Variants in KCNK13 observed in about 807,000 individuals in gnomAD.
KCNK13 encodes the protein potassium channel subfamily K member 13.
In KCNK13, 12 loss-of-function variants were observed where a neutral mutation model predicts 23.4. That is an observed-to-expected ratio of 0.51 (90% confidence interval 0.33 to 0.83). The LOEUF is 0.83. Among genes scored for constraint, KCNK13 ranks in the 40% least tolerant of loss-of-function variants. The probability of loss-of-function intolerance (pLI) is 0.02; values close to 1 mark genes in which losing one functional copy is unlikely to be tolerated. For synonymous variants in KCNK13, 231 were observed against 229.5 expected (o/e 1.01, Z -0.06); for missense variants, 463 against 556.3 (o/e 0.83, Z 1.69).
rs141322706 is a variant in KCNK13, at chr14:90,093,973, G to A, written c.334+31434G>A. On this transcript the variant is annotated intron_variant, in intron 1 of 1. Coordinates refer to ENST00000282146, the MANE Select transcript of KCNK13 (RefSeq NM_022054.4). ...TGTTTTAATGGGATTTGCAGGGGGTGCCATTTTCCACCTCTGGCCTCTTTC... is the reference window on the plus strand; with the variant it reads ...TGTTTTAATGGGATTTGCAGGGGGTACCATTTTCCACCTCTGGCCTCTTTC... Among the ~76,000 whole-genome samples the A allele has an allele frequency of 2.4e-4, 36 of 152,254 alleles. No individual in the cohort carries two copies. In the East Asian group the frequency reaches 6.8e-3, roughly 29 times the overall value.
At chr14:90,111,382 CACAT>C (rs1889613621) in intron 1 of KCNK13, among the ~76,000 whole-genome samples, 1 of 152,136 alleles carries the variant, frequency 6.6e-6, no homozygotes, top group African/African-American at 2.4e-5. Context: ...TTACATTTCA[CACAT>C]ACACAGAGAA....
intron 1 of KCNK13, among the ~76,000 whole-genome samples, chr14:90,179,875 T>G (rs1890466116): frequency 1.3e-5 from 2 of 152,212 alleles, no homozygotes; most frequent in Non-Finnish European, 2.9e-5. Context: ...TTATATGTTT[T>G]GGTACATGAA....
intron 1 of KCNK13, among the ~76,000 whole-genome samples, chr14:90,085,516 G>A (rs564411687): frequency 2.7e-5 from 4 of 150,654 alleles, no homozygotes; most frequent in South Asian, 2.1e-4. Context: ...AAAATTAGCC[G>A]GGCATGGTGG....
chr14:90,092,732 A>T (rs867832391), intron 1 of KCNK13, among the ~76,000 whole-genome samples: 3 of 151,946 alleles, frequency 2.0e-5, no homozygotes, highest in South Asian at 2.1e-4. Flanking sequence ...TGGGCAACAT[A>T]GCAAGATCCC....
rs1048997980 is a variant in KCNK13, at chr14:90,085,554, G to T, written c.334+23015G>T. 2.0e-5 allele frequency among the ~76,000 whole-genome samples: 3 copies of T among 150,878 alleles called. No homozygotes were observed. The East Asian group carries it at 5.9e-4, about 30-fold the overall frequency. The stretch of plus-strand genomic sequence containing the variant: ...CATGCCTATACTCCCAGCTACTCAG[G>T]AGTCTGAAGCAGGAGAATCATTTGA... On this transcript the variant is annotated intron_variant, in intron 1 of 1. Coordinates refer to ENST00000282146, the MANE Select transcript of KCNK13 (RefSeq NM_022054.4).
intron 1 of KCNK13, among the ~76,000 whole-genome samples, chr14:90,178,256 A>AG (rs397935735): frequency 2.7e-5 from 4 of 145,814 alleles, no homozygotes; most frequent in South Asian, 2.2e-4. Flanking sequence ...AAAAAAAAAA[A>AG]GGATACCCTG....
At chr14:90,081,732 CT>C (rs1843983898) in intron 1 of KCNK13, among the ~76,000 whole-genome samples, 1 of 152,198 alleles carries the variant, frequency 6.6e-6, no homozygotes, top group Non-Finnish European at 1.5e-5. Context: ...CGTTTGCCCC[CT>C]GTTATGGTTT....
At chr14:90,109,566 G>A (rs1398964500) in intron 1 of KCNK13, among the ~76,000 whole-genome samples, 3 of 151,564 alleles carry the variant, frequency 2.0e-5, no homozygotes, top group South Asian at 4.2e-4. Flanking sequence ...CCACCACCAC[G>A]CCTGGCTAAT....
At chr14:90,134,320 G>A (rs1889909718) in intron 1 of KCNK13, among the ~76,000 whole-genome samples, 1 of 152,186 alleles carries the variant, frequency 6.6e-6, no homozygotes. Context: ...GCAAGTTCAT[G>A]TCCAAGTGGT....
rs191144922 is a variant in KCNK13, at chr14:90,085,215, G to A, written c.334+22676G>A. Reference sequence around the variant, plus strand: ...CACTTTGGCCTCCCCAAAGTGCTAGGATTACAGGTGTGAGCCACTGTGCCC... The same window carrying A: ...CACTTTGGCCTCCCCAAAGTGCTAGAATTACAGGTGTGAGCCACTGTGCCC... On this transcript the variant is annotated intron_variant, in intron 1 of 1. Coordinates refer to ENST00000282146, the MANE Select transcript of KCNK13 (RefSeq NM_022054.4). 3.2e-3 allele frequency among the ~76,000 whole-genome samples: 482 copies of A among 152,082 alleles called. 4 individuals are homozygous for A. Among genetic ancestry groups the A allele is most frequent in the African/African-American group, 0.011 (459 of 41,496 alleles).
At chr14:90,165,237 G>C (rs1890290309) in intron 1 of KCNK13, among the ~76,000 whole-genome samples, 1 of 152,148 alleles carries the variant, frequency 6.6e-6, no homozygotes, top group Admixed American at 6.5e-5. Context: ...ATTTGGGCGG[G>C]GACACGGCCA....
At chr14:90,104,477 A>G (rs1889518866) in intron 1 of KCNK13, among the ~76,000 whole-genome samples, 1 of 152,200 alleles carries the variant, frequency 6.6e-6, no homozygotes, top group Non-Finnish European at 1.5e-5. Context: ...GAAGGCAATA[A>G]GACACCTTGT....
intron 1 of KCNK13, among the ~76,000 whole-genome samples, chr14:90,064,631 A>G (rs906022100): frequency 6.6e-6 from 1 of 152,068 alleles, no homozygotes; most frequent in Non-Finnish European, 1.5e-5. Flanking sequence ...CACATCAGCT[A>G]TTTGGTGAAT....
At chr14:90,110,837 C>T (rs1373170176) in intron 1 of KCNK13, among the ~76,000 whole-genome samples, 9 of 151,932 alleles carry the variant, frequency 5.9e-5, no homozygotes, top group Admixed American at 1.3e-4. Context: ...GGTGAAACCC[C>T]GTCTCTACTA....
chr14:90,106,262 C>T (rs1342793250), intron 1 of KCNK13, among the ~76,000 whole-genome samples: 1 of 152,120 alleles, frequency 6.6e-6, no homozygotes, highest in African/African-American at 2.4e-5. Context: ...ATGTTTTGCA[C>T]ATCACATACT....
intron 1 of KCNK13, among the ~76,000 whole-genome samples, chr14:90,083,406 CT>C (rs1487278728): frequency 6.6e-6 from 1 of 152,194 alleles, no homozygotes; most frequent in African/African-American, 2.4e-5. Flanking sequence ...TAGTTTCACT[CT>C]TACATTCAGG....
intron 1 of KCNK13, among the ~76,000 whole-genome samples, chr14:90,150,624 G>C (rs905038614): frequency 6.6e-6 from 1 of 152,182 alleles, no homozygotes; most frequent in South Asian, 2.1e-4. Context: ...CCAGTTTCAG[G>C]TGTACATGCT....
At chr14:90,085,795 TTATATTA>T (rs1236212434) in intron 1 of KCNK13, among the ~76,000 whole-genome samples, 3 of 121,160 alleles carry the variant, frequency 2.5e-5, no homozygotes, top group Admixed American at 9.2e-5. Flanking sequence ...ATTATATACT[TTATATTA>T]TATATTATAT....
At chr14:90,073,792 T>TCCGG (rs1889104501) in intron 1 of KCNK13, among the ~76,000 whole-genome samples, 1 of 151,134 alleles carries the variant, frequency 6.6e-6, no homozygotes, top group South Asian at 2.1e-4. Flanking sequence ...TGCCTCAGCC[T>TCCGG]CCGGAGTAGC....
Sources: allele counts gnomAD v4.1 joint callset (sites outside exome capture counted in the v4.1 genomes callset), GRCh38; gene constraint gnomAD v4.1.1; transcripts MANE v1.5; gene names NCBI Gene and HGNC (gene_info 2026-07-23, HGNC 2026-07-21).